Variants in CCND1 observed in about 807,000 individuals in gnomAD.
The protein encoded by CCND1 is cyclin D1.
CCND1 carries 9 observed loss-of-function variants against 26.1 expected under a neutral mutation model. The ratio of observed to expected loss-of-function variants is 0.35; its 90% CI spans 0.21 to 0.60. CCND1 has a LOEUF of 0.60. CCND1 is among the 20% of genes least tolerant of loss of function. The probability of loss-of-function intolerance (pLI) is 0.79; values close to 1 mark genes in which losing one functional copy is unlikely to be tolerated. For synonymous variants in CCND1, 194 were observed against 166.1 expected, an observed-to-expected ratio of 1.17 and a Z score of -1.29; for missense variants, 335 against 392.9, an observed-to-expected ratio of 0.85 and a Z score of 1.25.
intron 3 of CCND1, among the ~76,000 whole-genome samples, chr11:69,646,149 G>C (rs753162254): frequency 1.3e-5 from 2 of 152,174 alleles, no homozygotes; most frequent in Admixed American, 1.3e-4. Context: ...CACAAGGTGC[G>C]GAGCCAGCTA....
At position 69,641,375 on chromosome 11, in the gene CCND1, ACCT is replaced by A. The variant is rs1307164496; in HGVS notation, c.67_69del (p.Leu23del). 1 of 1,613,044 alleles carries A rather than the reference ACCT, an allele frequency of 6.2e-7. No homozygotes were observed. The highest frequency in any genetic ancestry group is 2.2e-5 in the East Asian group (1 of 44,854). On this transcript the variant is annotated inframe_deletion, in exon 1 of 5. Transcript: ENST00000227507. The stretch of plus-strand genomic sequence containing the variant: ...ATCCGCCGCGCGTACCCCGATGCCA[ACCT>A]CCTCAACGACCGGGTGCTGCGGGCC...
chr11:69,650,467 T>C lies in CCND1; in HGVS notation c.724-651T>C, dbSNP rs180960581. 7.6e-3 allele frequency among the ~76,000 whole-genome samples: 1,152 copies of C among 152,276 alleles called. 14 individuals carry two copies. The highest frequency in any genetic ancestry group is 0.026 in the African/African-American group (1,065 of 41,562). ...TGGAGGTGCAGGACTTCCAGGAGCG[T>C]CCGTCGCACTCCACCCGAGGGCGAG... On this transcript the variant is annotated intron_variant, in intron 4 of 4. Transcript: ENST00000227507.
chr11:69,648,356 C>T, intron 4 of CCND1: 1 of 573,696 alleles, frequency 1.7e-6, no homozygotes, highest in Non-Finnish European at 3.1e-6. Flanking sequence ...TCCTCACAGC[C>T]TTCTCACGTC....
intron 4 of CCND1, among the ~76,000 whole-genome samples, chr11:69,649,476 A>G (rs1454186140): frequency 2.6e-5 from 4 of 152,290 alleles, no homozygotes; most frequent in Admixed American, 6.5e-5. Flanking sequence ...CTAGTGACCA[A>G]CGTAGCTGAG....
At position 69,651,983 on chromosome 11, in the gene CCND1, C is replaced by T. The variant is rs1855862155; in HGVS notation, c.*701C>T. The T allele has an allele frequency of 4.3e-6, 1 of 232,996 alleles. No individual in the cohort carries two copies. Among genetic ancestry groups the T allele is most frequent in the African/African-American group, 2.2e-5 (1 of 45,314 alleles). 14.4% of individuals were successfully genotyped at this position (232,996 alleles called of 1,614,324 possible). On this transcript the variant is annotated 3_prime_UTR_variant, in exon 5 of 5. Transcript: ENST00000227507. ...AGCGTAGCGTGCCCGTGTGCATGTC[C>T]TTTGCGCCTGTGACCACCACCCCAA... is the stretch of plus-strand genomic sequence containing the variant.
chr11:69,643,499 G>A (rs1218776867), intron 2 of CCND1, among the ~76,000 whole-genome samples: 1 of 152,230 alleles, frequency 6.6e-6, no homozygotes, highest in African/African-American at 2.4e-5. Context: ...AAAAGTGGGC[G>A]GCGCGCGCCC....
intron 3 of CCND1, among the ~76,000 whole-genome samples, chr11:69,647,705 T>A (rs1479219352): frequency 6.6e-6 from 1 of 152,222 alleles, no homozygotes; most frequent in Non-Finnish European, 1.5e-5. Context: ...GGCAGTGATG[T>A]CCCCATCACC....
chr11:69,643,296 AC>A, intron 2 of CCND1, 50 bp downstream of exon 2: 1 of 1,442,134 alleles, frequency 6.9e-7, no homozygotes, highest in Non-Finnish European at 9.4e-7. Flanking sequence ...CGCACGCAGG[AC>A]CACGGGGCCG....
chr11:69,643,416 G>A, intron 2 of CCND1, 170 bp downstream of exon 2: 1 of 532,076 alleles, frequency 1.9e-6, no homozygotes, highest in East Asian at 3.5e-5. Context: ...CGGGATCCTA[G>A]CCGCCCTCGT....
chr11:69,643,612 G>A, intron 2 of CCND1: 1 of 487,426 alleles, frequency 2.1e-6, no homozygotes, highest in Non-Finnish European at 3.6e-6. Flanking sequence ...CACGCGGCGG[G>A]CGCCTTTTCT....
chr11:69,650,799 T>G (rs1437948345), intron 4 of CCND1, among the ~76,000 whole-genome samples: 2 of 145,702 alleles, frequency 1.4e-5, no homozygotes, highest in African/African-American at 5.1e-5. Context: ...GCACGGCCAG[T>G]GGGAACAGGC....
intron 3 of CCND1, 36 bp from the exon 4 acceptor site, chr11:69,647,958 G>A (rs2120108323): frequency 6.2e-7 from 1 of 1,611,148 alleles, no homozygotes; most frequent in Non-Finnish European, 8.5e-7. Flanking sequence ...AGGGTCCCCT[G>A]CTCACAGCCT....
chr11:69,651,173 G>A lies in CCND1; in HGVS notation c.779G>A (p.Arg260His), dbSNP rs779733976. 1.2e-5 allele frequency: 20 copies of A among 1,611,886 alleles called. No individual in the cohort carries two copies. Among genetic ancestry groups the A allele is most frequent in the South Asian group, 6.6e-5 (6 of 90,984 alleles). Residue 260 changes from arginine to histidine, a missense_variant, in exon 5 of 5, where the codon CGC (arginine) becomes CAC (histidine). By Grantham distance (29) the Arg-to-His change is conservative. Coordinates refer to ENST00000227507, the MANE Select transcript of CCND1 (RefSeq NM_053056.3). ...QIEALLESSL[R>H]QAQQNMDPKA... ...GAAGCCCTGCTGGAGTCAAGCCTGC[G>A]CCAGGCCCAGCAGAACATGGACCCC... is the stretch of plus-strand genomic sequence containing the variant.
intron 3 of CCND1, 41 bp downstream of exon 3, chr11:69,644,032 C>T (rs1156289475): frequency 3.1e-6 from 5 of 1,607,548 alleles, no homozygotes; most frequent in Non-Finnish European, 4.3e-6. Flanking sequence ...CCTTGAGAGC[C>T]GGCTCCTTAG....
At chr11:69,641,994 A>G (rs1427432531) in intron 1 of CCND1, among the ~76,000 whole-genome samples, 2 of 150,894 alleles carry the variant, frequency 1.3e-5, no homozygotes, top group Non-Finnish European at 3.0e-5. Flanking sequence ...TTGCAAAGCA[A>G]AAGTGTTTAT....
In CCND1 at chr11:69,648,049, C is replaced by T. The variant is rs146267501; in HGVS notation, c.630C>T (p.Ala210=). The T allele has an allele frequency of 2.5e-6, 4 of 1,613,954 alleles. No individual in the cohort carries two copies. Among genetic ancestry groups the T allele is most frequent in the Non-Finnish European group, 3.4e-6 (4 of 1,179,994 alleles). Reference sequence around the variant, plus strand: ...TGGTGGCAGCGGGGAGCGTGGTGGCCGCAGTGCAAGGCCTGAACCTGAGGA... The same window carrying T: ...TGGTGGCAGCGGGGAGCGTGGTGGCTGCAGTGCAAGGCCTGAACCTGAGGA... ...PSMVAAGSVV[A]AVQGLNLRSP... The change falls in exon 4 of 5, where the codon GCC becomes GCT. Residue 210 remains alanine, a synonymous_variant. Transcript: ENST00000227507.
chr11:69,643,596 T>A, intron 2 of CCND1: 1 of 478,486 alleles, frequency 2.1e-6, no homozygotes, highest in Non-Finnish European at 3.6e-6. Flanking sequence ...ACTTGCAGAG[T>A]CTTTTCACGC....
chr11:69,648,952 T>C (rs1462487500), intron 4 of CCND1, among the ~76,000 whole-genome samples: 1 of 152,168 alleles, frequency 6.6e-6, no homozygotes, highest in Non-Finnish European at 1.5e-5. Context: ...GTGGTGCCTC[T>C]GTCCCGGGGA....
rs2120130625 is a variant in CCND1 at position 69,654,216 on chromosome 11, T to TGTCTGTC, written c.*2937_*2943dup. ...CACGCGGGGGCCTTGAGGGACGCTTTGTCTGTCGTGATGGGGCAAGGGCAC... is the reference window on the plus strand; with the variant it reads ...CACGCGGGGGCCTTGAGGGACGCTTTGTCTGTCGTCTGTCGTGATGGGGCAAGGGCAC... On this transcript the variant is annotated 3_prime_UTR_variant, in exon 5 of 5. Coordinates refer to ENST00000227507, the MANE Select transcript of CCND1 (RefSeq NM_053056.3). The surrounding 1 kb of genome is among the most constrained non-coding windows in gnomAD (Gnocchi z 6.3). 1 of 702,452 alleles carries TGTCTGTC rather than the reference T, an allele frequency of 1.4e-6. No individual in the cohort carries two copies. Among genetic ancestry groups the TGTCTGTC allele is most frequent in the Non-Finnish European group, 2.6e-6 (1 of 384,976 alleles). 43.5% of individuals were successfully genotyped at this position (702,452 alleles called of 1,614,324 possible).
Sources: gnomAD v4.1 joint callset for allele counts (sites outside exome capture counted in the v4.1 genomes callset) on GRCh38, gnomAD v4.1.1 for gene constraint, Gnocchi (gnomAD v3.1) non-coding constraint, MANE v1.5 for transcripts, NCBI Gene and HGNC (gene_info 2026-07-23, HGNC 2026-07-21) for gene names.